Variants in ADAMTS9 observed in about 807,000 individuals in gnomAD.
The protein encoded by ADAMTS9 is ADAM metallopeptidase with thrombospondin type 1 motif 9.
ADAMTS9 carries 107 observed loss-of-function variants against 257.1 expected under a neutral mutation model. The observed-to-expected ratio is 0.42, with a 90% CI of 0.36 to 0.49. The LOEUF (loss-of-function observed/expected upper bound fraction) is 0.49, where lower values mean the gene tolerates loss of function less well. Ranked by LOEUF, ADAMTS9 falls within the 20% of genes least tolerant of loss-of-function variation. The pLI is 0.03. For missense variants in ADAMTS9, 2,353 were observed against 2,469.1 expected, an observed-to-expected ratio of 0.95 and a Z score of 1.00; for synonymous variants, 982 against 880.9, an observed-to-expected ratio of 1.11 and a Z score of -2.03.
intron 22 of ADAMTS9, among the ~76,000 whole-genome samples, chr3:64,610,503 A>ATT (rs1173107138): frequency 2.0e-5 from 2 of 99,364 alleles, no homozygotes; most frequent in African/African-American, 1.7e-4. Flanking sequence ...AACACAATTC[A>ATT]TATTTTTTTT....
At chr3:64,659,166 C>T (rs1274496930) in intron 3 of ADAMTS9, among the ~76,000 whole-genome samples, 3 of 152,160 alleles carry the variant, frequency 2.0e-5, no homozygotes, top group African/African-American at 7.2e-5. Context: ...AGCTACAGAG[C>T]TCTGAAAAAC....
intron 30 of ADAMTS9, among the ~76,000 whole-genome samples, chr3:64,553,263 G>C (rs958155689): frequency 6.6e-6 from 1 of 152,094 alleles, no homozygotes; most frequent in Non-Finnish European, 1.5e-5. Flanking sequence ...TGTCTCTGCA[G>C]ATTTGCCTAT....
intron 37 of ADAMTS9, among the ~76,000 whole-genome samples, chr3:64,533,504 G>C (rs1371073631): frequency 1.3e-5 from 2 of 152,212 alleles, no homozygotes; most frequent in East Asian, 1.9e-4. Flanking sequence ...TTTACAGATA[G>C]GGAAACTGAG....
At position 64,606,947 on chromosome 3, in the gene ADAMTS9, A is replaced by C. The variant is rs1211957332; in HGVS notation, c.3474+13T>G. On this transcript the variant is annotated intron_variant, in intron 23 of 39. Transcript: ENST00000498707. ...CCCAAAGTCAATAACTGAGTTGGAC[A>C]AAGGAAACTTACCTGGGTATCAGTT... is the stretch of plus-strand genomic sequence containing the variant. The C allele has an allele frequency of 1.1e-5, 18 of 1,613,274 alleles. No homozygotes were observed. Among genetic ancestry groups the C allele is most frequent in the Non-Finnish European group, 1.5e-5 (18 of 1,179,536 alleles).
At chr3:64,575,023 T>C (rs2083800587) in intron 28 of ADAMTS9, among the ~76,000 whole-genome samples, 1 of 152,130 alleles carries the variant, frequency 6.6e-6, no homozygotes, top group Admixed American at 6.5e-5. Context: ...ATCCCATAAA[T>C]AAAGGGCCAC....
chr3:64,553,295 G>A (rs2083292720), intron 30 of ADAMTS9, among the ~76,000 whole-genome samples: 1 of 152,018 alleles, frequency 6.6e-6, no homozygotes, highest in Non-Finnish European at 1.5e-5. Flanking sequence ...CACATATATG[G>A]AATCATCCAA....
intron 3 of ADAMTS9, among the ~76,000 whole-genome samples, chr3:64,675,250 T>C (rs1050985359): frequency 7.2e-5 from 11 of 152,278 alleles, no homozygotes; most frequent in Admixed American, 7.2e-4. Context: ...TTGAAATATG[T>C]AATCCATGTA....
intron 12 of ADAMTS9, among the ~76,000 whole-genome samples, chr3:64,638,675 A>G (rs1700560659): frequency 6.6e-6 from 1 of 152,174 alleles, no homozygotes; most frequent in African/African-American, 2.4e-5. Context: ...TGAGACCAAA[A>G]TATCTTGTGA....
In ADAMTS9 at chr3:64,561,573, C is replaced by A. The variant is rs544278182; in HGVS notation, c.4698+5G>T. The A allele has an allele frequency of 2.7e-5, 44 of 1,611,798 alleles. No homozygotes were observed. In the East Asian group the frequency reaches 9.6e-4, roughly 35 times the overall value. The stretch of plus-strand genomic sequence containing the variant: ...TGGCAGGTACCCCTTTGTGGCTCTA[C>A]TTACTTCTTGCCATTCCTCTGCCCT... On this transcript the variant is annotated splice_donor_5th_base_variant and intron_variant, in intron 30 of 39. Coordinates refer to ENST00000498707, the MANE Select transcript of ADAMTS9 (RefSeq NM_182920.2).
intron 12 of ADAMTS9, among the ~76,000 whole-genome samples, chr3:64,641,358 C>A (rs574792731): frequency 3.3e-5 from 5 of 150,692 alleles, no homozygotes; most frequent in African/African-American, 1.2e-4. Flanking sequence ...TTAGGGTACA[C>A]GTGCACAATG....
chr3:64,655,771 A>G (rs1420182494), intron 5 of ADAMTS9, 21 bp downstream of exon 5: 2 of 1,568,956 alleles, frequency 1.3e-6, no homozygotes, highest in Non-Finnish European at 1.7e-6. Flanking sequence ...GATAGAAGAA[A>G]AAAGAAAAAA....
intron 28 of ADAMTS9, among the ~76,000 whole-genome samples, chr3:64,572,661 G>A (rs1449476284): frequency 6.6e-6 from 1 of 152,174 alleles, no homozygotes; most frequent in Non-Finnish European, 1.5e-5. Flanking sequence ...TTTCTACACA[G>A]AGTTGCTAAA....
At chr3:64,657,005 C>G (rs1306282291) in intron 4 of ADAMTS9, among the ~76,000 whole-genome samples, 1 of 152,102 alleles carries the variant, frequency 6.6e-6, no homozygotes, top group Non-Finnish European at 1.5e-5. Context: ...AAGAGGAAGT[C>G]TATACGGGCT....
At chr3:64,551,386 T>G (rs2083269757) in intron 30 of ADAMTS9, among the ~76,000 whole-genome samples, 1 of 152,036 alleles carries the variant, frequency 6.6e-6, no homozygotes, top group African/African-American at 2.4e-5. Flanking sequence ...ATTTTTTGTA[T>G]TTTTAGTAGA....
At chr3:64,600,569 T>A (rs920463520) in intron 26 of ADAMTS9, among the ~76,000 whole-genome samples, 1 of 152,236 alleles carries the variant, frequency 6.6e-6, no homozygotes, top group East Asian at 1.9e-4. Flanking sequence ...ATCATTAGAC[T>A]ACACATGTGT....
At chr3:64,566,861 C>CA (rs201080933) in intron 29 of ADAMTS9, among the ~76,000 whole-genome samples, 18,917 of 142,148 alleles carry the variant, frequency 0.13, 1,377 homozygotes, top group East Asian at 0.28. Context: ...CGAATAGCTC[C>CA]AAAAAAAAAA....
intron 38 of ADAMTS9, among the ~76,000 whole-genome samples, chr3:64,526,011 TATATA>T (rs1048938319): frequency 4.5e-4 from 66 of 147,486 alleles, no homozygotes; most frequent in South Asian, 4.2e-4. Context: ...ATTTTATATT[TATATA>T]ATATAATATA....
intron 31 of ADAMTS9, 70 bp downstream of exon 31, chr3:64,550,822 C>A (rs770973881): frequency 1.3e-6 from 2 of 1,585,156 alleles, no homozygotes; most frequent in Non-Finnish European, 1.7e-6. Context: ...GCACTCATCC[C>A]TCCACTCATC....
chr3:64,613,569 G>C, intron 21 of ADAMTS9, 60 bp from the exon 22 acceptor site: 6 of 1,530,856 alleles, frequency 3.9e-6, no homozygotes, highest in South Asian at 1.3e-5. Context: ...TGGTTTCTGG[G>C]GTTATTTATT....
Sources: allele counts gnomAD v4.1 joint callset (sites outside exome capture counted in the v4.1 genomes callset), GRCh38; gene constraint gnomAD v4.1.1; transcripts MANE v1.5; gene names NCBI Gene and HGNC (gene_info 2026-07-23, HGNC 2026-07-21).